NFATC3: variants seen among roughly 807,000 people sequenced by gnomAD.
NFATC3 encodes the protein nuclear factor of activated T-cells, cytoplasmic 3.
Under a neutral mutation model 98.6 loss-of-function variants are expected in NFATC3, and 46 were observed. The observed-to-expected ratio is 0.47, with a 90% CI of 0.37 to 0.60. NFATC3 has a LOEUF of 0.60. Ranked by LOEUF, NFATC3 falls within the 20% of genes least tolerant of loss-of-function variation. The probability of loss-of-function intolerance (pLI) is 0.00; values close to 1 mark genes in which losing one functional copy is unlikely to be tolerated. For missense variants in NFATC3, 1,256 were observed against 1,295.5 expected, an observed-to-expected ratio of 0.97 and a Z score of 0.47; for synonymous variants, 512 against 472.2, an observed-to-expected ratio of 1.08 and a Z score of -1.09.
intron 3 of NFATC3, among the ~76,000 whole-genome samples, chr16:68,134,808 G>A (rs1417111872): frequency 6.6e-6 from 1 of 152,088 alleles, no homozygotes; most frequent in African/African-American, 2.4e-5. Context: ...TCATGAATAG[G>A]TGTTGAGTGT....
intron 9 of NFATC3, among the ~76,000 whole-genome samples, chr16:68,224,221 G>T (rs2041966335): frequency 6.8e-6 from 1 of 147,914 alleles, no homozygotes; most frequent in African/African-American, 2.5e-5. Flanking sequence ...TTGGCTTCAA[G>T]TCCCTACTTC....
chr16:68,153,209 C>A (rs2038430861), intron 3 of NFATC3, among the ~76,000 whole-genome samples: 1 of 152,044 alleles, frequency 6.6e-6, no homozygotes, highest in African/African-American at 2.4e-5. Flanking sequence ...TCACCTGAGG[C>A]CAGAAGTTCA....
intron 1 of NFATC3, chr16:68,088,898 C>T: frequency 1.2e-6 from 1 of 819,216 alleles, no homozygotes; most frequent in Non-Finnish European, 1.5e-6. Context: ...TCTGGAACTC[C>T]TGGGCTCTCC....
chr16:68,165,758 C>T (rs1446830482), intron 4 of NFATC3, among the ~76,000 whole-genome samples: 22 of 152,174 alleles, frequency 1.4e-4, no homozygotes, highest in Non-Finnish European at 4.4e-5. Context: ...TCTGCAGCCT[C>T]TGTGCAATAA....
chr16:68,091,208 A>G (rs1445179374), intron 1 of NFATC3, among the ~76,000 whole-genome samples: 1 of 152,226 alleles, frequency 6.6e-6, no homozygotes, highest in African/African-American at 2.4e-5. Context: ...TAGGTGTTAT[A>G]AAAGTTAAAA....
intron 3 of NFATC3, 113 bp downstream of exon 3, chr16:68,126,723 G>T: frequency 9.8e-7 from 1 of 1,023,928 alleles, no homozygotes. Flanking sequence ...AAACTAGAGA[G>T]CCTCTGTTGT....
chr16:68,122,199 T>C lies in NFATC3; in HGVS notation c.316T>C (p.Phe106Leu). 1 of 1,614,154 alleles carries C rather than the reference T, an allele frequency of 6.2e-7. No homozygotes were observed. Among genetic ancestry groups the C allele is most frequent in the Non-Finnish European group, 8.5e-7 (1 of 1,180,018 alleles). The change falls in exon 2 of 10, where the codon TTT becomes CTT. Residue 106 changes from phenylalanine (F) to leucine (L), a missense_variant. By Grantham distance (22) the Phe-to-Leu change is conservative. Around this residue, in one of 3 missense-constraint regions of NFATC3, gnomAD observed 464 missense variants for 465.7 expected, o/e 1.00. Coordinates refer to ENST00000346183, the MANE Select transcript of NFATC3 (RefSeq NM_173165.3). Reference sequence around the variant, plus strand: ...TAGCCCATTAGGTGGTCCCAAACCCTTTGAGTGCCCAAGTATTCAAATTAC... The same window carrying C: ...TAGCCCATTAGGTGGTCCCAAACCCCTTGAGTGCCCAAGTATTCAAATTAC... ...KYSPLGGPKPFECPSIQITSI... is the reference protein window; with the variant it reads ...KYSPLGGPKPLECPSIQITSI...
At chr16:68,137,507 CAG>C (rs2037486543) in intron 3 of NFATC3, among the ~76,000 whole-genome samples, 1 of 152,096 alleles carries the variant, frequency 6.6e-6, no homozygotes, top group African/African-American at 2.4e-5. Flanking sequence ...TTGTAATTGG[CAG>C]AGAGGTCTTA....
At chr16:68,158,180 G>T in intron 4 of NFATC3, 112 bp downstream of exon 4, 1 of 664,126 alleles carries the variant, frequency 1.5e-6, no homozygotes, top group Non-Finnish European at 2.4e-6. Context: ...ATGGCATTAT[G>T]TAAATAATGT....
Position 68,191,774 on chromosome 16 carries a change from T to C in NFATC3, c.3105T>C (p.Asp1035=). 6.2e-7 allele frequency: 1 copy of C among 1,614,074 alleles called. No homozygotes were observed. The highest frequency in any genetic ancestry group is 8.5e-7 in the Non-Finnish European group (1 of 1,179,894). ...GTCTGCAGGACATCACTTTAGATGA[T>C]GGTAAGTTCATCTCTGATATGTTCT... ...TIGLQDITLD[D]VNEIIGRDMS... Residue 1035 remains aspartate, a splice_region_variant and synonymous_variant, in exon 9 of 10, where the codon GAT becomes GAC. Transcript: ENST00000346183.
intron 6 of NFATC3, among the ~76,000 whole-genome samples, chr16:68,175,084 C>T (rs1177440923): frequency 1.3e-5 from 2 of 152,126 alleles, no homozygotes; most frequent in African/African-American, 4.8e-5. Context: ...TGGAATATTA[C>T]TTGGTTATAA....
intron 2 of NFATC3, among the ~76,000 whole-genome samples, chr16:68,125,006 C>T (rs960389374): frequency 2.0e-5 from 3 of 152,240 alleles, no homozygotes; most frequent in African/African-American, 7.2e-5. Flanking sequence ...GCTGGGATTA[C>T]AGGCGTGAGC....
chr16:68,171,443 G>A (rs2039454742), intron 5 of NFATC3, among the ~76,000 whole-genome samples: 2 of 151,080 alleles, frequency 1.3e-5, no homozygotes, highest in Admixed American at 1.3e-4. Context: ...TACATCCCAA[G>A]TAATAACTGA....
intron 8 of NFATC3, among the ~76,000 whole-genome samples, chr16:68,185,784 A>T (rs2040167904): frequency 6.8e-6 from 1 of 146,582 alleles, no homozygotes; most frequent in Non-Finnish European, 1.5e-5. Context: ...AATGGCATGA[A>T]CCCGGGAGGT....
At chr16:68,100,904 TG>T (rs995325257) in intron 1 of NFATC3, among the ~76,000 whole-genome samples, 1 of 139,760 alleles carries the variant, frequency 7.2e-6, no homozygotes, top group Non-Finnish European at 1.6e-5. Flanking sequence ...TGTGTGTGTG[TG>T]GGGTGTGTGT....
At chr16:68,157,756 A>G (rs1419311055) in intron 3 of NFATC3, 113 bp from the exon 4 acceptor site, 1 of 769,982 alleles carries the variant, frequency 1.3e-6, no homozygotes, top group Non-Finnish European at 1.9e-6. Flanking sequence ...TTGAAATAAC[A>G]TTTTGTGTGT....
intron 9 of NFATC3, among the ~76,000 whole-genome samples, chr16:68,213,424 A>G (rs2041501052): frequency 6.6e-6 from 1 of 150,396 alleles, no homozygotes; most frequent in Admixed American, 6.6e-5. Flanking sequence ...CAAAAAATAA[A>G]TAAATAAATA....
chr16:68,186,365 C>G (rs541095861), intron 8 of NFATC3, among the ~76,000 whole-genome samples: 33 of 152,128 alleles, frequency 2.2e-4, no homozygotes, highest in Middle Eastern at 3.4e-3. Flanking sequence ...GGGTGAAACC[C>G]TGTCTCTACT....
chr16:68,159,953 C>T (rs184578600), intron 4 of NFATC3, among the ~76,000 whole-genome samples: 1 of 151,964 alleles, frequency 6.6e-6, no homozygotes, highest in Admixed American at 6.6e-5. Flanking sequence ...TGGCGGGTGT[C>T]TGTAATCCCA....
Sources: gnomAD v4.1 joint callset for allele counts (sites outside exome capture counted in the v4.1 genomes callset) on GRCh38, gnomAD v4.1.1 for gene constraint, gnomAD v4.1.1 regional missense constraint, MANE v1.5 for transcripts, NCBI Gene and HGNC (gene_info 2026-07-23, HGNC 2026-07-21) for gene names.